DST: variants seen among roughly 807,000 people sequenced by gnomAD.
The protein encoded by DST is dystonin.
In DST, 253 loss-of-function variants were observed where a neutral mutation model predicts 875.2. That is an observed-to-expected ratio of 0.29 (90% CI 0.26 to 0.32). The LOEUF is 0.32. Among genes scored for constraint, DST ranks in the 10% least tolerant of loss-of-function variants. The probability of loss-of-function intolerance (pLI) is 1.00; values close to 1 mark genes in which losing one functional copy is unlikely to be tolerated. For missense variants in DST, 8,287 were observed against 9,111.6 expected (o/e 0.91, Z 3.68); for synonymous variants, 3,124 against 3,197.1 (o/e 0.98, Z 0.77).
chr6:56,669,602 A>G (rs2099089620), intron 10 of DST, among the ~76,000 whole-genome samples: 1 of 151,884 alleles, frequency 6.6e-6, no homozygotes, highest in South Asian at 2.1e-4. Context: ...TCTCAAAAAA[A>G]AAAAAAAAGA....
At chr6:56,595,925 T>C (rs189607367) in intron 47 of DST, among the ~76,000 whole-genome samples, 233 of 152,228 alleles carry the variant, frequency 1.5e-3, no homozygotes, top group African/African-American at 5.4e-3. Flanking sequence ...CCAGGACATA[T>C]GGGACAACTA....
At chr6:56,662,608 G>T (rs1219091535) in intron 10 of DST, among the ~76,000 whole-genome samples, 2 of 152,152 alleles carry the variant, frequency 1.3e-5, no homozygotes. Context: ...AAAAATGGAA[G>T]TAGGAGAATG....
At chr6:56,940,046 A>C (rs1815548382) in intron 2 of DST, among the ~76,000 whole-genome samples, 1 of 152,052 alleles carries the variant, frequency 6.6e-6, no homozygotes, top group South Asian at 2.1e-4. Flanking sequence ...ATTTTATATA[A>C]ATAAGTCTAG....
chr6:56,630,155 A>C, intron 31 of DST, 90 bp downstream of exon 31: 1 of 992,242 alleles, frequency 1.0e-6, no homozygotes, highest in South Asian at 1.4e-5. Flanking sequence ...AAAATCCAAG[A>C]TATTTAACAC....
chr6:56,584,246 G>C (rs946973441), intron 49 of DST, among the ~76,000 whole-genome samples: 7 of 151,834 alleles, frequency 4.6e-5, no homozygotes, highest in Non-Finnish European at 8.8e-5. Flanking sequence ...TCTTCCATTT[G>C]TTTGTATCCT....
At chr6:56,823,661 G>A (rs938602199) in intron 4 of DST, among the ~76,000 whole-genome samples, 2 of 151,968 alleles carry the variant, frequency 1.3e-5, no homozygotes, top group Non-Finnish European at 2.9e-5. Context: ...CGCCCACCTC[G>A]GCCTTCCAAA....
At chr6:56,852,289 A>T (rs1009701872) in intron 3 of DST, among the ~76,000 whole-genome samples, 2 of 152,196 alleles carry the variant, frequency 1.3e-5, no homozygotes, top group Non-Finnish European at 2.9e-5. Context: ...GCACCAATAA[A>T]CAAACATCTG....
At chr6:56,698,215 C>T (rs1302839351) in intron 9 of DST, among the ~76,000 whole-genome samples, 1 of 152,132 alleles carries the variant, frequency 6.6e-6, no homozygotes, top group Non-Finnish European at 1.5e-5. Context: ...GACTCTGATT[C>T]CTGTAGCTCT....
At position 56,507,303 on chromosome 6, in the gene DST, T is replaced by C. The variant is rs185399420; in HGVS notation, c.19240-514A>G. 7.2e-5 allele frequency among the ~76,000 whole-genome samples: 11 copies of C among 152,344 alleles called. No individual in the cohort carries two copies. In the East Asian group the frequency reaches 2.1e-3, roughly 29 times the overall value. On this transcript the variant is annotated intron_variant, in intron 75 of 103. Coordinates refer to ENST00000680361, the MANE Select transcript of DST (RefSeq NM_001374736.1). ...GCAGTATCCTACTTTTGCTTTCATC[T>C]TCTTGGTTAAATACATTCATTCATT... is the stretch of plus-strand genomic sequence containing the variant.
At chr6:56,618,217 G>T (rs2098648415) in intron 36 of DST, 2 of 1,614,156 alleles carry the variant, frequency 1.2e-6, no homozygotes, top group Non-Finnish European at 8.5e-7. Flanking sequence ...CTGGTGGCTG[G>T]AATTGGACTT....
chr6:56,799,028 G>GA (rs2099743734), intron 4 of DST, among the ~76,000 whole-genome samples: 1 of 152,230 alleles, frequency 6.6e-6, no homozygotes, highest in Admixed American at 6.5e-5. Flanking sequence ...GATCAGCAAA[G>GA]AAAGTGGTTT....
chr6:56,854,019 AT>A (rs2127581928), intron 3 of DST, among the ~76,000 whole-genome samples: 1 of 152,218 alleles, frequency 6.6e-6, no homozygotes, highest in African/African-American at 2.4e-5. Flanking sequence ...AAAGTATCGG[AT>A]TTTTTCCCAC....
chr6:56,935,893 C>G (rs1035818881), intron 2 of DST, among the ~76,000 whole-genome samples: 1 of 151,984 alleles, frequency 6.6e-6, no homozygotes, highest in Non-Finnish European at 1.5e-5. Context: ...CCACTGCACT[C>G]CAGCCTGGTG....
chr6:56,764,643 G>T (rs987301025), intron 4 of DST, among the ~76,000 whole-genome samples: 3 of 152,036 alleles, frequency 2.0e-5, no homozygotes, highest in African/African-American at 7.2e-5. Flanking sequence ...TAAAAAAGAA[G>T]GAGTGGGAAG....
rs138042978 is a variant in DST at position 56,483,527 on chromosome 6, C to CTTTTTTTTTTTTTT, written c.21208-664_21208-651dup. On this transcript the variant is annotated intron_variant, in intron 88 of 103. Coordinates refer to ENST00000680361, the MANE Select transcript of DST (RefSeq NM_001374736.1). ...CTTAGAGGAAAAGCTTCTGGGTTTG[C>CTTTTTTTTTTTTTT]TTTTTTTTTTTTTTTTTTTTTTTTT... is the stretch of plus-strand genomic sequence containing the variant. The CTTTTTTTTTTTTTT allele has an allele frequency of 1.0e-4, 6 of 60,040 alleles. 1 individual carries two copies. Among genetic ancestry groups the CTTTTTTTTTTTTTT allele is most frequent in the Non-Finnish European group, 8.1e-5 (3 of 36,854 alleles). 3.7% of individuals were successfully genotyped at this position (60,040 alleles called of 1,614,324 possible). A position where few individuals can be genotyped will look rare whatever the true frequency, so the allele number is the denominator to read the frequency against.
chr6:56,896,382 T>C (rs778355915), intron 3 of DST, among the ~76,000 whole-genome samples: 33 of 152,212 alleles, frequency 2.2e-4, no homozygotes, highest in Middle Eastern at 3.4e-3. Flanking sequence ...GTTTCTGCTT[T>C]TGCTTCTTCC....
At chr6:56,786,150 T>C (rs2099705012) in intron 4 of DST, among the ~76,000 whole-genome samples, 1 of 152,152 alleles carries the variant, frequency 6.6e-6, no homozygotes, top group Non-Finnish European at 1.5e-5. Context: ...GTGTGTGTCT[T>C]TCATTTGGGG....
intron 28 of DST, 88 bp from the exon 29 acceptor site, chr6:56,632,128 C>A: frequency 2.1e-6 from 2 of 968,156 alleles, no homozygotes; most frequent in South Asian, 3.0e-5. Flanking sequence ...TTTTATATTA[C>A]TGGGACACAG....
intron 55 of DST, among the ~76,000 whole-genome samples, chr6:56,568,142 T>G (rs1192215159): frequency 1.3e-5 from 2 of 152,214 alleles, no homozygotes; most frequent in Non-Finnish European, 2.9e-5. Flanking sequence ...AAATAGAATT[T>G]CAATATCTCC....
Sources: allele counts gnomAD v4.1 joint callset (sites outside exome capture counted in the v4.1 genomes callset), GRCh38; gene constraint gnomAD v4.1.1; transcripts MANE v1.5; gene names NCBI Gene and HGNC (gene_info 2026-07-23, HGNC 2026-07-21).